CASKIN2: variants seen among roughly 807,000 people sequenced by gnomAD.
The protein encoded by CASKIN2 is CASK interacting protein 2.
Under a neutral mutation model 107.1 loss-of-function variants are expected in CASKIN2, and 41 were observed. The observed-to-expected ratio is 0.38, with a 90% CI of 0.30 to 0.50. CASKIN2 has a LOEUF of 0.50. Among genes scored for constraint, CASKIN2 ranks in the 20% least tolerant of loss-of-function variants. The pLI is 0.92. For synonymous variants in CASKIN2, 724 were observed against 705.6 expected, an observed-to-expected ratio of 1.03 and a Z score of -0.41; for missense variants, 1,546 against 1,657.4, an observed-to-expected ratio of 0.93 and a Z score of 1.17.
In CASKIN2 at chr17:75,507,724, C is replaced by T. The variant is rs753801597; in HGVS notation, c.147-43G>A. ...AAAGTTAGGGGTGTTGGTGGGCAGC[C>T]CCCACCCCCAAATCCTGGTCTTCCA... On this transcript the variant is annotated intron_variant, in intron 3 of 19. Transcript: ENST00000321617. 4.1e-6 allele frequency: 6 copies of T among 1,453,874 alleles called. No homozygotes were observed. In the African/African-American group the frequency reaches 8.4e-5, roughly 20 times the overall value. 90.1% of individuals were successfully genotyped at this position (1,453,874 alleles called of 1,614,324 possible). A position where few individuals can be genotyped will look rare whatever the true frequency, so the allele number is the denominator to read the frequency against.
rs1467648869 is a variant in CASKIN2, at chr17:75,503,875, T to C, written c.1555A>G (p.Thr519Ala). The change falls in exon 15 of 20, where the codon ACC (threonine) becomes GCC (alanine). Residue 519 changes from threonine (T) to alanine (A), a missense_variant. Transcript: ENST00000321617. Reference protein sequence around the residue: ...HFLQAGYDVPTISRMTPEDLT... With the variant: ...HFLQAGYDVPAISRMTPEDLT... Reference sequence around the variant, plus strand: ...ACCTCAGGTGTCATGCGGCTGATGGTAGGCACATCATAGCCGGCCTGCAGA... The same window carrying C: ...ACCTCAGGTGTCATGCGGCTGATGGCAGGCACATCATAGCCGGCCTGCAGA... 1 of 1,612,602 alleles carries C rather than the reference T, an allele frequency of 6.2e-7. No individual in the cohort carries two copies. Among genetic ancestry groups the C allele is most frequent in the African/African-American group, 1.3e-5 (1 of 74,906 alleles).
chr17:75,501,360 T>C (rs1223681419), intron 19 of CASKIN2, 108 bp downstream of exon 19: 5 of 1,329,364 alleles, frequency 3.8e-6, no homozygotes, highest in Non-Finnish European at 5.3e-6. Context: ...CTTATCCCGT[T>C]AGTGCCTGCA....
chr17:75,503,616 T>G (rs7207376), intron 16 of CASKIN2, 43 bp downstream of exon 16: 1 of 1,607,018 alleles, frequency 6.2e-7, no homozygotes, highest in Non-Finnish European at 8.5e-7. Flanking sequence ...CAGCTGAGGG[T>G]GACAGCACGT....
Position 75,503,907 on chromosome 17 carries a change from G to A in CASKIN2, c.1523C>T (p.Ala508Val). The change falls in exon 15 of 20, where the codon GCC (alanine) becomes GTC (valine). Residue 508 changes from alanine to valine, a missense_variant. By Grantham distance (64) the Ala-to-Val change is moderately conservative. Around this residue, in one of 6 missense-constraint regions of CASKIN2, gnomAD observed 1,311 missense variants for 1,311.0 expected, o/e 1.00. Transcript: ENST00000321617. ...LSEFQLEGYT[A>V]HFLQAGYDVP... ...ATCATAGCCGGCCTGCAGAAAGTGGGCAGTGTAGCCCTCCAGCTGGAACTC... is the reference window on the plus strand; with the variant it reads ...ATCATAGCCGGCCTGCAGAAAGTGGACAGTGTAGCCCTCCAGCTGGAACTC... The A allele has an allele frequency of 6.2e-7, 1 of 1,612,862 alleles. No homozygotes were observed. The highest frequency in any genetic ancestry group is 1.1e-5 in the South Asian group (1 of 91,072).
At chr17:75,510,819 T>G (rs1449390143) in intron 2 of CASKIN2, among the ~76,000 whole-genome samples, 1 of 151,936 alleles carries the variant, frequency 6.6e-6, no homozygotes, top group Non-Finnish European at 1.5e-5. Flanking sequence ...CTCAAACTCC[T>G]AGGCTAACTA....
Position 75,503,775 on chromosome 17 carries a change from C to T in CASKIN2, c.1579-15G>A, listed in dbSNP as rs773884464. On this transcript the variant is annotated splice_polypyrimidine_tract_variant and intron_variant, in intron 15 of 19. Transcript: ENST00000321617. ...GCCGTCAGGTCCTGCCACACAAAGT[C>T]TGGCCATCAGGCCCCTCCCCCGCCT... 6.2e-7 allele frequency: 1 copy of T among 1,612,258 alleles called. No homozygotes were observed. The highest frequency in any genetic ancestry group is 1.3e-5 in the African/African-American group (1 of 75,044).
chr17:75,506,760 G>T lies in CASKIN2; in HGVS notation c.486+39C>A, dbSNP rs779494803. The T allele has an allele frequency of 6.2e-7, 1 of 1,613,814 alleles. No individual in the cohort carries two copies. Among genetic ancestry groups the T allele is most frequent in the East Asian group, 2.2e-5 (1 of 44,876 alleles). Reference sequence around the variant, plus strand: ...TAGAGCCTCCTCCTGAGACCCTGTAGATGTCCAGGACCCAGCACCCCAAGG... The same window carrying T: ...TAGAGCCTCCTCCTGAGACCCTGTATATGTCCAGGACCCAGCACCCCAAGG... On this transcript the variant is annotated intron_variant, in intron 6 of 19. Coordinates refer to ENST00000321617, the MANE Select transcript of CASKIN2 (RefSeq NM_020753.5). This position sits in a 1 kb window ranked among gnomAD's most constrained non-coding sequence, Gnocchi z 4.8.
intron 2 of CASKIN2, 50 bp from the exon 3 acceptor site, chr17:75,508,335 T>C (rs6501815): frequency 0.88 from 1,398,645 of 1,588,638 alleles, 622,344 homozygotes; most frequent in African/African-American, 0.98. Flanking sequence ...CTGCCCTCAC[T>C]CAGCATCCCT....
intron 2 of CASKIN2, 67 bp downstream of exon 2, chr17:75,513,644 C>A: frequency 8.1e-7 from 1 of 1,236,286 alleles, no homozygotes; most frequent in South Asian, 1.2e-5. Context: ...GACCCACCCC[C>A]ACCCACCAAG....
rs1026698373 is a variant in CASKIN2 at position 75,503,386 on chromosome 17, T to C, written c.1819+3A>G. 2 of 1,611,818 alleles carry C rather than the reference T, an allele frequency of 1.2e-6. No individual in the cohort carries two copies. Among genetic ancestry groups the C allele is most frequent in the Middle Eastern group, 1.7e-4 (1 of 6,056 alleles). ...CCCAGCCAGGCCTCAGGACAGTCCT[T>C]ACCGAGCTTGTTGACCCCAATCTCC... On this transcript the variant is annotated splice_donor_region_variant and intron_variant, in intron 17 of 19. Coordinates refer to ENST00000321617, the MANE Select transcript of CASKIN2 (RefSeq NM_020753.5).
At position 75,502,155 on chromosome 17, in the gene CASKIN2, C is replaced by G; in HGVS notation, c.2919G>C (p.Glu973Asp). 6.2e-7 allele frequency: 1 copy of G among 1,601,890 alleles called. No individual in the cohort carries two copies. Among genetic ancestry groups the G allele is most frequent in the Non-Finnish European group, 8.5e-7 (1 of 1,179,526 alleles). ...AATCGAGGCCGGGGGGCACGGGTGTCTCTCGGGGCGGGGGGCCAGCGGGCT... is the reference window on the plus strand; with the variant it reads ...AATCGAGGCCGGGGGGCACGGGTGTGTCTCGGGGCGGGGGGCCAGCGGGCT... Reference protein sequence around the residue: ...RPKPAGPPPRETPVPPGLDFN... With the variant: ...RPKPAGPPPRDTPVPPGLDFN... The change falls in exon 18 of 20, where the codon GAG becomes GAC. Residue 973 changes from glutamate to aspartate, a missense_variant. Glu to Asp is a conservative substitution (Grantham distance 45). Transcript: ENST00000321617. This position sits in a 1 kb window ranked among gnomAD's most constrained non-coding sequence, Gnocchi z 4.3.
chr17:75,500,460 C>T lies in CASKIN2; in HGVS notation c.*620G>A, dbSNP rs1193808224. On this transcript the variant is annotated 3_prime_UTR_variant, in exon 20 of 20. Coordinates refer to ENST00000321617, the MANE Select transcript of CASKIN2 (RefSeq NM_020753.5). Reference sequence around the variant, plus strand: ...AATTCCATTTAAAATATATGCATTTCTCTCTGCTTAGAAAATAACATTTAC... The same window carrying T: ...AATTCCATTTAAAATATATGCATTTTTCTCTGCTTAGAAAATAACATTTAC... The T allele has an allele frequency of 6.5e-6, 1 of 153,008 alleles. No individual in the cohort carries two copies. Among genetic ancestry groups the T allele is most frequent in the African/African-American group, 2.4e-5 (1 of 41,428 alleles). The allele number at this position is 153,008 out of a possible 1,614,324, so 9.5% of individuals were successfully genotyped here. A position where few individuals can be genotyped will look rare whatever the true frequency, so the allele number is the denominator to read the frequency against.
chr17:75,510,685 G>A (rs369537205), intron 2 of CASKIN2, among the ~76,000 whole-genome samples: 1 of 151,990 alleles, frequency 6.6e-6, no homozygotes, highest in Admixed American at 6.6e-5. Flanking sequence ...TGACCTCCCC[G>A]ACTCAAGCGA....
rs1290904671 is a variant in CASKIN2 at position 75,503,190 on chromosome 17, C to T, written c.1884G>A (p.Gln628=). ...RLAELRRGLL[Q]GEALSEGGRR... ...GCCCGCCTTCGCTGAGGGCCTCCCC[C>T]TGCAGCAGGCCCCGCCGAAGCTCCG... The change falls in exon 18 of 20, where the codon CAG becomes CAA. Residue 628 remains glutamine, a synonymous_variant. Transcript: ENST00000321617. The T allele has an allele frequency of 1.2e-6, 2 of 1,600,420 alleles. No individual in the cohort carries two copies. Among genetic ancestry groups the T allele is most frequent in the Non-Finnish European group, 1.7e-6 (2 of 1,176,028 alleles).
chr17:75,501,236 G>A (rs1194522625), intron 19 of CASKIN2, 66 bp from the exon 20 acceptor site: 1 of 1,443,592 alleles, frequency 6.9e-7, no homozygotes, highest in East Asian at 2.5e-5. Context: ...CCTGGGGCAG[G>A]GAGCTGTCAT....
intron 2 of CASKIN2, 45 bp downstream of exon 2, chr17:75,513,666 T>C (rs2053332876): frequency 1.4e-6 from 1 of 703,260 alleles, no homozygotes; most frequent in East Asian, 4.4e-5. Context: ...CTCTGTGAAC[T>C]GAGCGCTCGG....
intron 1 of CASKIN2, among the ~76,000 whole-genome samples, chr17:75,514,522 C>T (rs981269194): frequency 6.6e-6 from 1 of 152,132 alleles, no homozygotes; most frequent in Admixed American, 6.5e-5. Flanking sequence ...CAGGCCGGGC[C>T]AGCAGCCTGT....
At chr17:75,511,117 G>A (rs548266224) in intron 2 of CASKIN2, among the ~76,000 whole-genome samples, 3 of 143,606 alleles carry the variant, frequency 2.1e-5, no homozygotes, top group Non-Finnish European at 4.5e-5. Flanking sequence ...CTGGAGTGCA[G>A]TGGTACAATC....
Position 75,505,217 on chromosome 17 carries a change from C to T in CASKIN2, c.931-144G>A, listed in dbSNP as rs1056360339. On this transcript the variant is annotated intron_variant, in intron 10 of 19. Transcript: ENST00000321617. This position sits in a 1 kb window ranked among gnomAD's most constrained non-coding sequence, Gnocchi z 5.1. ...GCTGGCCTCTGATGCCCACACTGGC[C>T]CAAGTTCCGCCCCTGCTGCCAGCAG... 2.6e-5 allele frequency: 24 copies of T among 908,448 alleles called. No individual in the cohort carries two copies. Among genetic ancestry groups the T allele is most frequent in the Non-Finnish European group, 4.1e-5 (24 of 590,850 alleles). 56.3% of individuals were successfully genotyped at this position (908,448 alleles called of 1,614,324 possible). A position where few individuals can be genotyped will look rare whatever the true frequency, so the allele number is the denominator to read the frequency against.
Sources: allele counts gnomAD v4.1 joint callset (sites outside exome capture counted in the v4.1 genomes callset), GRCh38; gene constraint gnomAD v4.1.1; regional missense constraint gnomAD v4.1.1; non-coding constraint Gnocchi (gnomAD v3.1); transcripts MANE v1.5; gene names NCBI Gene and HGNC (gene_info 2026-07-23, HGNC 2026-07-21).